The following CDIN1 variants were observed in gnomAD, a reference collection of about 807,000 sequenced individuals.
CDIN1 encodes CDAN1-interacting nuclease 1.
Under a neutral mutation model 45.3 loss-of-function variants are expected in CDIN1, and 33 were observed. The ratio of observed to expected loss-of-function variants is 0.73; its 90% confidence interval spans 0.55 to 0.97. The LOEUF (loss-of-function observed/expected upper bound fraction) is 0.97, where lower values mean the gene tolerates loss of function less well. Among genes scored for constraint, CDIN1 ranks in the 50% least tolerant of loss-of-function variants. The pLI is 0.00. For synonymous variants in CDIN1, 118 were observed against 124.4 expected, an observed-to-expected ratio of 0.95 and a Z score of 0.34; for missense variants, 303 against 339.4, an observed-to-expected ratio of 0.89 and a Z score of 0.84.
At chr15:36,704,535 G>T (rs1758587183) in intron 8 of CDIN1, 1 of 150,008 alleles carries the variant, frequency 6.7e-6, no homozygotes, top group Non-Finnish European at 1.5e-5. Context: ...AGAGAATGAA[G>T]GTCATAACTC....
intron 1 of CDIN1, among the ~76,000 whole-genome samples, chr15:36,594,389 T>C (rs1032278713): frequency 6.6e-6 from 1 of 152,240 alleles, no homozygotes; most frequent in Admixed American, 6.5e-5. Flanking sequence ...TTATTTGCCA[T>C]ATAACTCTTC....
At chr15:36,765,349 C>T (rs1160754947) in intron 10 of CDIN1, among the ~76,000 whole-genome samples, 1 of 152,090 alleles carries the variant, frequency 6.6e-6, no homozygotes, top group African/African-American at 2.4e-5. Context: ...AGCCACCATG[C>T]CCAGCCTGAG....
Position 36,613,889 on chromosome 15 carries a change from T to G in CDIN1, c.102-30389T>G, listed in dbSNP as rs2038764409. 3 of 1,561,296 alleles carry G rather than the reference T, an allele frequency of 1.9e-6. No individual in the cohort carries two copies. The East Asian group carries it at 6.7e-5, about 35-fold the overall frequency. On this transcript the variant is annotated intron_variant, in intron 1 of 10. Coordinates refer to ENST00000566621, the MANE Select transcript of CDIN1 (RefSeq NM_001321759.2). Reference sequence around the variant, plus strand: ...TAAGTGGGTGATCACTGAAGGAGACTTGGAACGCACAGAGAATGAGCTGAG... The same window carrying G: ...TAAGTGGGTGATCACTGAAGGAGACGTGGAACGCACAGAGAATGAGCTGAG...
intron 10 of CDIN1, among the ~76,000 whole-genome samples, chr15:36,794,106 T>C (rs545475082): frequency 1.1e-3 from 150 of 139,920 alleles, no homozygotes; most frequent in African/African-American, 3.8e-3. Flanking sequence ...TCACCCAGGC[T>C]GGAGTGCAGT....
At chr15:36,714,919 G>A (rs895494392) in intron 10 of CDIN1, among the ~76,000 whole-genome samples, 28 of 152,140 alleles carry the variant, frequency 1.8e-4, no homozygotes, top group African/African-American at 6.5e-4. Context: ...GAGGGAACAG[G>A]TGTCAGATGG....
chr15:36,636,537 G>A (rs146179288), intron 1 of CDIN1, among the ~76,000 whole-genome samples: 532 of 152,204 alleles, frequency 3.5e-3, no homozygotes, highest in Non-Finnish European at 5.7e-3. Flanking sequence ...GAGCGACAGA[G>A]CAAGACTCCA....
At chr15:36,674,902 T>C (rs1483425913) in intron 5 of CDIN1, among the ~76,000 whole-genome samples, 1 of 152,122 alleles carries the variant, frequency 6.6e-6, no homozygotes, top group African/African-American at 2.4e-5. Context: ...AGAAAGGTTT[T>C]TCAGATGTAC....
intron 1 of CDIN1, among the ~76,000 whole-genome samples, chr15:36,626,136 T>A (rs2039412839): frequency 6.6e-6 from 1 of 151,478 alleles, no homozygotes; most frequent in African/African-American, 2.4e-5. Context: ...TTATGTGATA[T>A]ATATAATTTA....
chr15:36,614,640 T>TATAG (rs1242042069), intron 1 of CDIN1, among the ~76,000 whole-genome samples: 1 of 152,084 alleles, frequency 6.6e-6, no homozygotes, highest in Non-Finnish European at 1.5e-5. Flanking sequence ...GAGGAAAAGG[T>TATAG]ATAGGCCTGC....
chr15:36,780,412 T>G (rs1244708096), intron 10 of CDIN1, among the ~76,000 whole-genome samples: 3 of 152,188 alleles, frequency 2.0e-5, no homozygotes, highest in Non-Finnish European at 2.9e-5. Flanking sequence ...TTTTAACCAA[T>G]GGCTGCCATC....
At chr15:36,761,598 G>T (rs1311649056) in intron 10 of CDIN1, among the ~76,000 whole-genome samples, 4 of 152,136 alleles carry the variant, frequency 2.6e-5, no homozygotes, top group African/African-American at 9.6e-5. Context: ...GTTTCCCAAA[G>T]TTCACTGAAC....
In CDIN1 at chr15:36,779,136, G is replaced by A. The variant is rs146049868; in HGVS notation, c.717-29188G>A. Among the ~76,000 whole-genome samples the A allele has an allele frequency of 2.6e-5, 4 of 152,288 alleles. No individual in the cohort carries two copies. The East Asian group carries it at 7.7e-4, about 29-fold the overall frequency. On this transcript the variant is annotated intron_variant, in intron 10 of 10. Transcript: ENST00000566621. Reference sequence around the variant, plus strand: ...AATTAGGCATGTGTGCTATGTGGCTGTATGCCACCACTCCCTGCATTAAAA... The same window carrying A: ...AATTAGGCATGTGTGCTATGTGGCTATATGCCACCACTCCCTGCATTAAAA...
Position 36,645,275 on chromosome 15 carries a change from G to C in CDIN1, c.200G>C (p.Ser67Thr), listed in dbSNP as rs2040269206. ...CATCATACTTCGGAAGCAATTGAAAGTTATTACCAGAGGTATGACCTTCCT... is the reference window on the plus strand; with the variant it reads ...CATCATACTTCGGAAGCAATTGAAACTTATTACCAGAGGTATGACCTTCCT... Reference protein sequence around the residue: ...AKHHTSEAIESYYQRYLNGVV... With the variant: ...AKHHTSEAIETYYQRYLNGVV... Residue 67 changes from serine (S) to threonine (T), a missense_variant, in exon 3 of 11, where the codon AGT becomes ACT. Transcript: ENST00000566621. 6.4e-7 allele frequency: 1 copy of C among 1,552,600 alleles called. No individual in the cohort carries two copies. The highest frequency in any genetic ancestry group is 8.7e-7 in the Non-Finnish European group (1 of 1,147,206).
At chr15:36,774,785 T>A (rs4924098) in intron 10 of CDIN1, among the ~76,000 whole-genome samples, 122,037 of 152,106 alleles carry the variant, frequency 0.8, 51,802 homozygotes, top group East Asian at 0.95. Context: ...CAAAGTGAGA[T>A]ACAAAAAGAA....
intron 1 of CDIN1, among the ~76,000 whole-genome samples, chr15:36,622,948 A>G (rs1303862271): frequency 6.6e-6 from 1 of 152,238 alleles, no homozygotes; most frequent in East Asian, 1.9e-4. Context: ...AGCCATTTCT[A>G]AATATTGAGA....
intron 10 of CDIN1, among the ~76,000 whole-genome samples, chr15:36,784,778 A>C (rs996264677): frequency 6.6e-6 from 1 of 152,042 alleles, no homozygotes; most frequent in South Asian, 2.1e-4. Context: ...TATATGCTTG[A>C]TATCTCTCCT....
At chr15:36,644,461 C>T (rs1176829413) in intron 2 of CDIN1, 138 bp downstream of exon 2, 11 of 842,356 alleles carry the variant, frequency 1.3e-5, no homozygotes, top group Admixed American at 3.1e-5. Flanking sequence ...GCACCGCCTG[C>T]GTCTCGGTGG....
chr15:36,710,094 A>G (rs2043003731), intron 10 of CDIN1, 133 bp downstream of exon 10: 2 of 542,752 alleles, frequency 3.7e-6, no homozygotes, highest in Non-Finnish European at 3.1e-6. Context: ...TGATTAATGT[A>G]TTCATTTCAG....
intron 1 of CDIN1, among the ~76,000 whole-genome samples, chr15:36,592,360 C>T (rs2037619195): frequency 6.6e-6 from 1 of 152,186 alleles, no homozygotes; most frequent in Non-Finnish European, 1.5e-5. Context: ...ATGGTACAAC[C>T]TGGGCTTGCC....
Sources: gnomAD v4.1 joint callset for allele counts (sites outside exome capture counted in the v4.1 genomes callset) on GRCh38, gnomAD v4.1.1 for gene constraint, MANE v1.5 for transcripts, NCBI Gene and HGNC (gene_info 2026-07-23, HGNC 2026-07-21) for gene names.